OPCML: variants seen among roughly 807,000 people sequenced by gnomAD.
OPCML encodes opioid-binding protein/cell adhesion molecule.
OPCML carries 13 observed loss-of-function variants against 37.8 expected under a neutral mutation model. That is an observed-to-expected ratio of 0.34 (90% CI 0.22 to 0.55). The LOEUF (loss-of-function observed/expected upper bound fraction) is 0.55. Ranked by LOEUF, OPCML falls within the 20% of genes least tolerant of loss-of-function variation. The pLI is 0.91. For synonymous variants in OPCML, 176 were observed against 168.8 expected (o/e 1.04, Z -0.33); for missense variants, 341 against 435.6 (o/e 0.78, Z 1.93).
chr11:132,564,997 A>T (rs1314146189), intron 3 of OPCML, among the ~76,000 whole-genome samples: 4 of 152,206 alleles, frequency 2.6e-5, no homozygotes, highest in African/African-American at 9.6e-5. Flanking sequence ...TCACCTTGTT[A>T]TGTTGTGGTG....
At chr11:132,958,486 A>G (rs578173625) in intron 1 of OPCML, among the ~76,000 whole-genome samples, 54 of 152,338 alleles carry the variant, frequency 3.5e-4, no homozygotes, top group African/African-American at 1.2e-3. Flanking sequence ...GGCTACACTC[A>G]ACAGCAGATC....
intron 1 of OPCML, among the ~76,000 whole-genome samples, chr11:133,346,317 CG>C (rs1257172592): frequency 6.6e-6 from 1 of 152,130 alleles, no homozygotes; most frequent in African/African-American, 2.4e-5. Flanking sequence ...GAATGCCAAG[CG>C]GGATGCTCAA....
chr11:132,618,953 AT>A (rs1390873430), intron 3 of OPCML, among the ~76,000 whole-genome samples: 18 of 94,000 alleles, frequency 1.9e-4, no homozygotes, highest in Non-Finnish European at 3.4e-4. Flanking sequence ...AAGCACACGC[AT>A]ACACACACAC....
At chr11:132,793,359 T>C (rs766636835) in intron 2 of OPCML, among the ~76,000 whole-genome samples, 35 of 152,056 alleles carry the variant, frequency 2.3e-4, no homozygotes, top group Admixed American at 1.3e-4. Context: ...GTAGTCTTGT[T>C]TATGCATATA....
At chr11:132,746,732 A>G (rs1184733935) in intron 2 of OPCML, among the ~76,000 whole-genome samples, 19 of 152,214 alleles carry the variant, frequency 1.2e-4, no homozygotes, top group Admixed American at 1.2e-3. Context: ...GTAGCATCAC[A>G]GAGGTGGGTT....
rs575454634 is a variant in OPCML, at chr11:133,480,802, T to C, written c.61+51462A>G. ...TGCTTACAGAGGATCATGCAACATT[T>C]GTATTTTTAAGCCCAATGGCATCTA... On this transcript the variant is annotated intron_variant, in intron 1 of 7. Coordinates refer to ENST00000524381, the MANE Select transcript of OPCML (RefSeq NM_001012393.5). 2.0e-5 allele frequency among the ~76,000 whole-genome samples: 3 copies of C among 152,370 alleles called. No homozygotes were observed. The East Asian group carries it at 5.8e-4, about 29-fold the overall frequency.
In OPCML at chr11:133,510,759, C is replaced by G. The variant is rs1397973826; in HGVS notation, c.61+21505G>C. The stretch of plus-strand genomic sequence containing the variant: ...GTCATGCCTCCATGTAATCATCTCC[C>G]TCACCTCTTTTAGTTGAAGTTCCCC... On this transcript the variant is annotated intron_variant, in intron 1 of 7. Transcript: ENST00000524381. Among the ~76,000 whole-genome samples, 6 of 152,304 alleles carry G rather than the reference C, an allele frequency of 3.9e-5. No individual in the cohort carries two copies. In the East Asian group the frequency reaches 1.2e-3, roughly 29 times the overall value.
chr11:133,423,122 C>G, intron 1 of OPCML: 1 of 985,442 alleles, frequency 1.0e-6, no homozygotes, highest in Non-Finnish European at 1.2e-6. Context: ...ATTTGCCTTT[C>G]AGGATCTTAT....
intron 1 of OPCML, among the ~76,000 whole-genome samples, chr11:133,150,802 C>G (rs571961501): frequency 1.3e-5 from 2 of 152,102 alleles, no homozygotes; most frequent in South Asian, 4.2e-4. Flanking sequence ...TGCCTTCCAG[C>G]TCCGACACTG....
At chr11:132,466,485 GAAA>G (rs61036161) in intron 4 of OPCML, among the ~76,000 whole-genome samples, 2 of 135,058 alleles carry the variant, frequency 1.5e-5, no homozygotes, top group Non-Finnish European at 1.6e-5. Context: ...CTCCGTCTCG[GAAA>G]AAAAAAAAAA....
At chr11:133,293,271 A>G (rs934429015) in intron 1 of OPCML, among the ~76,000 whole-genome samples, 1 of 152,128 alleles carries the variant, frequency 6.6e-6, no homozygotes, top group Non-Finnish European at 1.5e-5. Context: ...TTTTCTTTCC[A>G]TCATCCTGGA....
At chr11:132,923,425 C>A in intron 2 of OPCML, among the ~76,000 whole-genome samples, 1 of 152,032 alleles carries the variant, frequency 6.6e-6, no homozygotes, top group Admixed American at 6.6e-5. Flanking sequence ...ACCATTGAGA[C>A]AAAGGTGACA....
chr11:132,745,580 A>AGAAAGAAAG (rs1478888738), intron 2 of OPCML, among the ~76,000 whole-genome samples: 2 of 87,554 alleles, frequency 2.3e-5, no homozygotes, highest in African/African-American at 8.9e-5. Flanking sequence ...AAAAAAAAAA[A>AGAAAGAAAG]AAAGAAAGAA....
At chr11:132,526,355 G>A (rs1396556353) in intron 4 of OPCML, among the ~76,000 whole-genome samples, 1 of 151,966 alleles carries the variant, frequency 6.6e-6, no homozygotes, top group East Asian at 1.9e-4. Context: ...CTAACTTTAG[G>A]CAAAATTATC....
intron 2 of OPCML, among the ~76,000 whole-genome samples, chr11:132,807,575 A>G (rs1939089386): frequency 6.6e-6 from 1 of 152,210 alleles, no homozygotes; most frequent in Admixed American, 6.5e-5. Flanking sequence ...GGGGCTGGCC[A>G]AGAAGCAGCT....
chr11:133,305,590 C>A (rs1309050236), intron 1 of OPCML, among the ~76,000 whole-genome samples: 1 of 152,156 alleles, frequency 6.6e-6, no homozygotes, highest in Non-Finnish European at 1.5e-5. Context: ...TTTTCTAAGG[C>A]CAAATTTTGC....
intron 1 of OPCML, among the ~76,000 whole-genome samples, chr11:133,343,775 A>C (rs1943931299): frequency 6.6e-6 from 1 of 152,226 alleles, no homozygotes; most frequent in Non-Finnish European, 1.5e-5. Context: ...GGCCTGACAC[A>C]GGGTGGCTTG....
At position 133,439,679 on chromosome 11, in the gene OPCML, G is replaced by A. The variant is rs549367615; in HGVS notation, c.61+92585C>T. Among the ~76,000 whole-genome samples, 72 of 150,604 alleles carry A rather than the reference G, an allele frequency of 4.8e-4. No individual in the cohort carries two copies. The South Asian group carries it at 0.011, about 23-fold the overall frequency. ...AGACGGGGTTTCACCGTTTTAGCCAGGATGGTCTCGATCTCCTGACTTCGT... is the reference window on the plus strand; with the variant it reads ...AGACGGGGTTTCACCGTTTTAGCCAAGATGGTCTCGATCTCCTGACTTCGT... On this transcript the variant is annotated intron_variant, in intron 1 of 7. Coordinates refer to ENST00000524381, the MANE Select transcript of OPCML (RefSeq NM_001012393.5).
intron 3 of OPCML, among the ~76,000 whole-genome samples, chr11:132,651,277 A>G (rs2135751191): frequency 6.6e-6 from 1 of 152,312 alleles, no homozygotes; most frequent in Non-Finnish European, 1.5e-5. Context: ...CTTCCTCGCT[A>G]GTGTAACTCG....
Sources: allele counts gnomAD v4.1 joint callset (sites outside exome capture counted in the v4.1 genomes callset), GRCh38; gene constraint gnomAD v4.1.1; transcripts MANE v1.5; gene names NCBI Gene and HGNC (gene_info 2026-07-23, HGNC 2026-07-21).